Variants in ZNF516 observed in about 807,000 individuals in gnomAD.
The protein encoded by ZNF516 is zinc finger protein 516.
In ZNF516, 19 loss-of-function variants were observed where a neutral mutation model predicts 79.7. That is an observed-to-expected ratio of 0.24 (90% CI 0.17 to 0.35). The LOEUF is 0.35. Among genes scored for constraint, ZNF516 ranks in the 10% least tolerant of loss-of-function variants. The pLI, the probability that ZNF516 is intolerant of heterozygous loss-of-function variation, is 1.00. For synonymous variants in ZNF516, 877 were observed against 739.5 expected, an observed-to-expected ratio of 1.19 and a Z score of -3.02; for missense variants, 1,678 against 1,679.5, an observed-to-expected ratio of 1.00 and a Z score of 0.02.
intron 1 of ZNF516, among the ~76,000 whole-genome samples, chr18:76,483,943 C>G (rs1318082488): frequency 2.0e-5 from 3 of 152,182 alleles, no homozygotes; most frequent in Non-Finnish European, 4.4e-5. Flanking sequence ...GCACGACATC[C>G]CCGTGGAAAG....
At chr18:76,366,959 T>C (rs188469996) in intron 6 of ZNF516, among the ~76,000 whole-genome samples, 2 of 152,352 alleles carry the variant, frequency 1.3e-5, no homozygotes, top group Admixed American at 6.5e-5. Flanking sequence ...TGACCTTCAA[T>C]GAATTTAAAT....
intron 2 of ZNF516, among the ~76,000 whole-genome samples, chr18:76,461,045 G>A (rs982103217): frequency 3.1e-4 from 47 of 152,174 alleles, no homozygotes; most frequent in African/African-American, 1.1e-3. Flanking sequence ...AGCCGGGCGT[G>A]GTGGCGCATG....
chr18:76,489,752 C>T (rs184678394), intron 1 of ZNF516, among the ~76,000 whole-genome samples: 1 of 152,208 alleles, frequency 6.6e-6, no homozygotes, highest in Admixed American at 6.5e-5. Context: ...AGACACATTT[C>T]TCAAAGTTAA....
chr18:76,380,314 C>A lies in ZNF516; in HGVS notation c.1811-11G>T, dbSNP rs186387749. On this transcript the variant is annotated splice_polypyrimidine_tract_variant and intron_variant, in intron 3 of 6. Coordinates refer to ENST00000443185, the MANE Select transcript of ZNF516 (RefSeq NM_014643.4). ...GGCGCGGCTGTCCCCCTAGAGGAGG[C>A]AAAATATGAAACGGGAAGTTACCAT... is the stretch of plus-strand genomic sequence containing the variant. 8.1e-4 allele frequency: 1,301 copies of A among 1,608,516 alleles called. 13 individuals are homozygous for A. The African/African-American group carries it at 0.016, about 20-fold the overall frequency.
chr18:76,458,331 C>T (rs1373235718), intron 2 of ZNF516, among the ~76,000 whole-genome samples: 1 of 152,198 alleles, frequency 6.6e-6, no homozygotes, highest in East Asian at 1.9e-4. Flanking sequence ...CATGGAGCTC[C>T]AATTCCTGAC....
chr18:76,476,698 C>G (rs1262037219), intron 1 of ZNF516, among the ~76,000 whole-genome samples: 1 of 152,194 alleles, frequency 6.6e-6, no homozygotes, highest in African/African-American at 2.4e-5. Context: ...CCTCCAAAAC[C>G]AGTCATGGTT....
At chr18:76,391,123 C>A (rs1264850583) in intron 3 of ZNF516, among the ~76,000 whole-genome samples, 1 of 152,082 alleles carries the variant, frequency 6.6e-6, no homozygotes, top group Non-Finnish European at 1.5e-5. Context: ...ACAAAGAAAT[C>A]ATTAAGGAGG....
chr18:76,440,048 A>C (rs542829194), intron 3 of ZNF516, among the ~76,000 whole-genome samples: 3 of 152,350 alleles, frequency 2.0e-5, no homozygotes, highest in Admixed American at 2.0e-4. Flanking sequence ...CTAAAACGCG[A>C]AGTTAAAATA....
Position 76,379,799 on chromosome 18 carries a change from G to C in ZNF516, c.2315C>G (p.Pro772Arg). The C allele has an allele frequency of 1.9e-6, 3 of 1,613,818 alleles. No homozygotes were observed. The highest frequency in any genetic ancestry group is 1.7e-6 in the Non-Finnish European group (2 of 1,179,830). Residue 772 changes from proline to arginine, a missense_variant, in exon 4 of 7, where the codon CCC (proline) becomes CGC (arginine). Around this residue, in one of 5 missense-constraint regions of ZNF516, gnomAD observed 1,294 missense variants for 1,248.3 expected, o/e 1.04. Coordinates refer to ENST00000443185, the MANE Select transcript of ZNF516 (RefSeq NM_014643.4). ...GCGTTTGTGCATCCACAGGACCTCG[G>C]GGTAGTAGGTCTTGTGGCTGCAGTA... ...CPYCSHKTYY[P>R]EVLWMHKRIW...
At chr18:76,485,774 T>C (rs1914793930) in intron 1 of ZNF516, among the ~76,000 whole-genome samples, 2 of 151,538 alleles carry the variant, frequency 1.3e-5, no homozygotes, top group African/African-American at 4.9e-5. Flanking sequence ...TGAAAACATC[T>C]CAGTTCTGCC....
At position 76,362,854 on chromosome 18, in the gene ZNF516, G is replaced by A. The variant is rs190412925; in HGVS notation, c.3433-297C>T. Among the ~76,000 whole-genome samples, 753 of 152,328 alleles carry A rather than the reference G, an allele frequency of 4.9e-3. 7 individuals carry two copies. Among genetic ancestry groups the A allele is most frequent in the African/African-American group, 0.017 (703 of 41,566 alleles). On this transcript the variant is annotated intron_variant, in intron 6 of 6. Transcript: ENST00000443185. The stretch of plus-strand genomic sequence containing the variant: ...GCTTCTCTAATGGTTTCACATGTAA[G>A]AATGGCAGATGATAGTGTCTGAACC...
upstream of ZNF516, chr18:76,495,717 C>G (rs547907080): frequency 2.4e-5 from 28 of 1,188,660 alleles, no homozygotes; most frequent in African/African-American, 4.7e-4. Flanking sequence ...GGATGCGGGT[C>G]CCGCCGGCGG....
chr18:76,496,404 C>T (rs1192691829), upstream of ZNF516: 11 of 1,289,678 alleles, frequency 8.5e-6, no homozygotes, highest in Non-Finnish European at 1.0e-5. Context: ...ACCTCAGCGG[C>T]GGCGTCTCTC....
chr18:76,491,559 G>C (rs866602820), intron 1 of ZNF516: 33 of 149,044 alleles, frequency 2.2e-4, no homozygotes, highest in Middle Eastern at 7.2e-3. Context: ...GGGGCGGGGG[G>C]CGGGCGCCGG....
chr18:76,466,524 A>G (rs1373286722), intron 1 of ZNF516, among the ~76,000 whole-genome samples: 2 of 152,244 alleles, frequency 1.3e-5, no homozygotes, highest in African/African-American at 4.8e-5. Flanking sequence ...CGGGGACACC[A>G]AAGAGGCTAC....
intron 3 of ZNF516, among the ~76,000 whole-genome samples, chr18:76,420,586 A>T (rs937840424): frequency 1.3e-5 from 2 of 152,144 alleles, no homozygotes; most frequent in African/African-American, 4.8e-5. Context: ...GTGGATACTT[A>T]AAAAAATATT....
chr18:76,464,979 G>A (rs180935388), intron 1 of ZNF516, among the ~76,000 whole-genome samples: 4 of 152,236 alleles, frequency 2.6e-5, no homozygotes, highest in East Asian at 1.9e-4. Context: ...CCGTGCATCC[G>A]ATGAGGGCAG....
At chr18:76,396,747 A>T (rs35546779) in intron 3 of ZNF516, among the ~76,000 whole-genome samples, 3,118 of 152,342 alleles carry the variant, frequency 0.02, 46 homozygotes, top group Middle Eastern at 0.044. Context: ...GGATCTTGGC[A>T]GCAGGCAGAG....
At chr18:76,439,771 C>A (rs973701787) in intron 3 of ZNF516, among the ~76,000 whole-genome samples, 2 of 151,746 alleles carry the variant, frequency 1.3e-5, no homozygotes, top group African/African-American at 2.4e-5. Context: ...AGAAAAAAAA[C>A]CCATAGTCCT....
Sources: gnomAD v4.1 joint callset for allele counts (sites outside exome capture counted in the v4.1 genomes callset) on GRCh38, gnomAD v4.1.1 for gene constraint, gnomAD v4.1.1 regional missense constraint, MANE v1.5 for transcripts, NCBI Gene and HGNC (gene_info 2026-07-23, HGNC 2026-07-21) for gene names.